The following CHST11 variants were observed in gnomAD, a reference collection of about 807,000 sequenced individuals.
CHST11 encodes C4S-1.
CHST11 carries 9 observed loss-of-function variants against 30.4 expected under a neutral mutation model. The observed-to-expected ratio is 0.30, with a 90% CI of 0.18 to 0.52. CHST11 has a LOEUF of 0.52. Among genes scored for constraint, CHST11 ranks in the 20% least tolerant of loss-of-function variants. The pLI is 0.97. For missense variants in CHST11, 348 were observed against 460.6 expected (o/e 0.76, Z 2.24); for synonymous variants, 152 against 187.8 (o/e 0.81, Z 1.56).
At chr12:104,574,965 G>T (rs997750567) in intron 1 of CHST11, among the ~76,000 whole-genome samples, 8 of 152,210 alleles carry the variant, frequency 5.3e-5, no homozygotes, top group African/African-American at 1.7e-4. Flanking sequence ...GCCAAGGCAG[G>T]TGAATCATTT....
intron 1 of CHST11, among the ~76,000 whole-genome samples, chr12:104,504,704 G>A (rs956593136): frequency 1.2e-4 from 18 of 152,102 alleles, no homozygotes; most frequent in Non-Finnish European, 1.6e-4. Context: ...GGTGGTGTGC[G>A]CCTGTAGTCC....
chr12:104,658,657 T>A (rs554863078), intron 2 of CHST11, among the ~76,000 whole-genome samples: 1 of 152,218 alleles, frequency 6.6e-6, no homozygotes, highest in South Asian at 2.1e-4. Flanking sequence ...GATTGGCTTT[T>A]CTCCTACCTT....
intron 1 of CHST11, among the ~76,000 whole-genome samples, chr12:104,565,801 C>T (rs1269650377): frequency 6.6e-6 from 1 of 152,170 alleles, no homozygotes; most frequent in African/African-American, 2.4e-5. Flanking sequence ...TTCTTCTCAG[C>T]AGGCCCTTGA....
intron 1 of CHST11, among the ~76,000 whole-genome samples, chr12:104,544,459 G>A (rs2038322764): frequency 6.6e-6 from 1 of 152,122 alleles, no homozygotes; most frequent in African/African-American, 2.4e-5. Context: ...GCTTACACCT[G>A]TAATCCCAGC....
At chr12:104,565,273 T>A (rs956022386) in intron 1 of CHST11, among the ~76,000 whole-genome samples, 1 of 146,028 alleles carries the variant, frequency 6.8e-6, no homozygotes, top group African/African-American at 2.6e-5. Context: ...TTTTTTTTTT[T>A]TTTTTTTTTT....
intron 2 of CHST11, among the ~76,000 whole-genome samples, chr12:104,615,080 G>A (rs1294024194): frequency 6.6e-6 from 1 of 152,168 alleles, no homozygotes; most frequent in Non-Finnish European, 1.5e-5. Context: ...GACAGATTGG[G>A]CCTGCCGCAG....
rs1378359376 is a variant in CHST11 at position 104,670,654 on chromosome 12, TACCC to T, written c.204+68666_204+68669del. On this transcript the variant is annotated intron_variant, in intron 2 of 2. Coordinates refer to ENST00000303694, the MANE Select transcript of CHST11 (RefSeq NM_018413.6). ...ACACTCATGCACACTCTCCCACACA[TACCC>T]ACACACACACAAATATACTCTCACA... Among the ~76,000 whole-genome samples the T allele has an allele frequency of 6.3e-5, 9 of 143,862 alleles. No individual in the cohort carries two copies. The East Asian group carries it at 1.8e-3, about 29-fold the overall frequency. The allele number at this position is 143,862 out of a possible 152,430, so 94.4% of individuals were successfully genotyped here.
chr12:104,688,384 G>A (rs1326188110), intron 2 of CHST11, among the ~76,000 whole-genome samples: 1 of 152,114 alleles, frequency 6.6e-6, no homozygotes, highest in Admixed American at 6.6e-5. Flanking sequence ...CCGAGGCAAG[G>A]AGAAGTAACT....
At chr12:104,578,366 C>T (rs780879544) in intron 1 of CHST11, among the ~76,000 whole-genome samples, 27 of 152,152 alleles carry the variant, frequency 1.8e-4, no homozygotes, top group Admixed American at 3.3e-4. Flanking sequence ...AATATTCTTC[C>T]GAAAATCATT....
intron 2 of CHST11, among the ~76,000 whole-genome samples, chr12:104,735,849 G>A (rs1419938045): frequency 6.6e-6 from 1 of 152,196 alleles, no homozygotes; most frequent in African/African-American, 2.4e-5. Context: ...GGACAGCAGA[G>A]TTAGAGCTGT....
chr12:104,556,300 C>T (rs12580732), intron 1 of CHST11, among the ~76,000 whole-genome samples: 2,463 of 152,140 alleles, frequency 0.016, 120 homozygotes, highest in East Asian at 0.15. Context: ...CTCCAAAGCC[C>T]CCCTTTTCCC....
Position 104,589,420 on chromosome 12 carries a change from T to A in CHST11, c.119-12486T>A, listed in dbSNP as rs1028266107. Among the ~76,000 whole-genome samples the A allele has an allele frequency of 5.0e-5, 7 of 141,166 alleles. No homozygotes were observed. The East Asian group carries it at 1.6e-3, about 32-fold the overall frequency. The allele number at this position is 141,166 out of a possible 152,430, so 92.6% of individuals were successfully genotyped here. On this transcript the variant is annotated intron_variant, in intron 1 of 2. Coordinates refer to ENST00000303694, the MANE Select transcript of CHST11 (RefSeq NM_018413.6). ...TGTCTCAAAAAAAAAAAAAAAAAAA[T>A]TCAAATTCATAGAGACAGGAAATAG... is the stretch of plus-strand genomic sequence containing the variant.
intron 2 of CHST11, among the ~76,000 whole-genome samples, chr12:104,605,152 C>CAAAAAAAAAAA (rs3039180): frequency 1.1e-5 from 1 of 93,518 alleles, no homozygotes; most frequent in Non-Finnish European, 2.2e-5. Flanking sequence ...ATCCCCTCTC[C>CAAAAAAAAAAA]AAAAAAAAAA....
At chr12:104,579,718 T>C (rs1227446915) in intron 1 of CHST11, among the ~76,000 whole-genome samples, 1 of 152,210 alleles carries the variant, frequency 6.6e-6, no homozygotes, top group Non-Finnish European at 1.5e-5. Flanking sequence ...ATCCACACAT[T>C]GCCTGCTTTA....
chr12:104,555,187 T>C (rs779652658), intron 1 of CHST11, among the ~76,000 whole-genome samples: 4 of 152,084 alleles, frequency 2.6e-5, no homozygotes, highest in African/African-American at 7.2e-5. Context: ...GCAGTCGAGG[T>C]TGTGCACACC....
chr12:104,461,793 G>T (rs1172189132), intron 1 of CHST11, among the ~76,000 whole-genome samples: 2 of 152,092 alleles, frequency 1.3e-5, no homozygotes, highest in African/African-American at 4.8e-5. Context: ...ACTTTCACTT[G>T]ATCAGGTTGA....
At chr12:104,502,221 G>A (rs1026648788) in intron 1 of CHST11, among the ~76,000 whole-genome samples, 2 of 151,832 alleles carry the variant, frequency 1.3e-5, no homozygotes, top group African/African-American at 4.8e-5. Context: ...TAAAGACCTG[G>A]GGTGTGGCGG....
intron 2 of CHST11, among the ~76,000 whole-genome samples, chr12:104,755,614 C>T (rs1446076327): frequency 1.3e-5 from 2 of 152,098 alleles, no homozygotes; most frequent in Non-Finnish European, 2.9e-5. Flanking sequence ...AGTGAAACCC[C>T]GTCTCTACTA....
rs138679024 is a variant in CHST11, at chr12:104,697,363, G to C, written c.205-59586G>C. ...TGAGTAAAGAAGAGCTTCCTCTCCA[G>C]TGTGGCCGGGCATCCTTCCAATCAC... On this transcript the variant is annotated intron_variant, in intron 2 of 2. Coordinates refer to ENST00000303694, the MANE Select transcript of CHST11 (RefSeq NM_018413.6). 3.7e-4 allele frequency among the ~76,000 whole-genome samples: 56 copies of C among 152,318 alleles called. No homozygotes were observed. The East Asian group carries it at 0.01, about 28-fold the overall frequency.
Sources: allele counts gnomAD v4.1 joint callset (sites outside exome capture counted in the v4.1 genomes callset), GRCh38; gene constraint gnomAD v4.1.1; transcripts MANE v1.5; gene names NCBI Gene and HGNC (gene_info 2026-07-23, HGNC 2026-07-21).